ALDH4A1: variants seen among roughly 807,000 people sequenced by gnomAD.
ALDH4A1 encodes the protein aldehyde dehydrogenase 4 family member A1.
ALDH4A1 carries 46 observed loss-of-function variants against 70.5 expected under a neutral mutation model. The ratio of observed to expected loss-of-function variants is 0.65; its 90% CI spans 0.51 to 0.83. The LOEUF is 0.83. Ranked by LOEUF, ALDH4A1 falls within the 40% of genes least tolerant of loss-of-function variation. ALDH4A1 has a pLI of 0.00. For missense variants in ALDH4A1, 749 were observed against 766.5 expected (o/e 0.98, Z 0.27); for synonymous variants, 323 against 324.3 (o/e 1.00, Z 0.04).
At chr1:18,895,127 C>T (rs17492518) in intron 1 of ALDH4A1, among the ~76,000 whole-genome samples, 5,946 of 152,208 alleles carry the variant, frequency 0.039, 118 homozygotes, top group Middle Eastern at 0.061. Flanking sequence ...ATTCAGCATG[C>T]GTTTTCCAAG....
At chr1:18,884,264 T>C (rs1935105423) in intron 5 of ALDH4A1, among the ~76,000 whole-genome samples, 1 of 152,166 alleles carries the variant, frequency 6.6e-6, no homozygotes, top group South Asian at 2.1e-4. Flanking sequence ...TGAGCCAATC[T>C]AAGAAGGCAT....
chr1:18,875,356 A>T (rs1370265224), intron 13 of ALDH4A1, 26 bp downstream of exon 13: 1 of 1,613,848 alleles, frequency 6.2e-7, no homozygotes. Context: ...GGAGCACAGC[A>T]CCAGGGCTGC....
At chr1:18,890,686 G>T (rs553945979) in intron 1 of ALDH4A1, 1 of 985,396 alleles carries the variant, frequency 1.0e-6, no homozygotes, top group African/African-American at 1.7e-5. Context: ...TAATCGCACC[G>T]AACTCACGCG....
At chr1:18,886,542 C>T (rs114863344) in intron 3 of ALDH4A1, 31 bp from the exon 4 acceptor site, 415 of 1,612,316 alleles carry the variant, frequency 2.6e-4, no homozygotes, top group Non-Finnish European at 3.4e-4. Context: ...GGTCCTTGCC[C>T]GGGAGGGAGG....
intron 9 of ALDH4A1, among the ~76,000 whole-genome samples, chr1:18,878,567 G>T (rs1171745361): frequency 5.3e-5 from 8 of 152,052 alleles, no homozygotes; most frequent in Non-Finnish European, 1.2e-4. Context: ...CTCCCTCTAG[G>T]CCTCAGCACA....
At chr1:18,892,000 C>T (rs1935452018) in intron 1 of ALDH4A1, among the ~76,000 whole-genome samples, 1 of 151,836 alleles carries the variant, frequency 6.6e-6, no homozygotes, top group African/African-American at 2.4e-5. Context: ...TGCACTCCAG[C>T]CTGGATGACA....
chr1:18,892,447 G>A (rs995144482), intron 1 of ALDH4A1, among the ~76,000 whole-genome samples: 1 of 152,094 alleles, frequency 6.6e-6, no homozygotes, highest in Admixed American at 6.5e-5. Context: ...GGGGAGAATA[G>A]GGCTGCTTCA....
At chr1:18,881,930 C>A (rs777686756) in intron 7 of ALDH4A1, 43 bp from the exon 8 acceptor site, 1 of 1,569,344 alleles carries the variant, frequency 6.4e-7, no homozygotes, top group South Asian at 1.2e-5. Flanking sequence ...ATGGCGCCAC[C>A]AGCCCCCAAC....
At chr1:18,889,298 C>T in intron 3 of ALDH4A1, 64 bp downstream of exon 3, 1 of 1,409,682 alleles carries the variant, frequency 7.1e-7, no homozygotes, top group Non-Finnish European at 9.8e-7. Flanking sequence ...AGCTTACGAG[C>T]TGTCAGAGAA....
At position 18,890,260 on chromosome 1, in the gene ALDH4A1, G is replaced by T. The variant is rs563132786; in HGVS notation, c.63-155C>A. 21 of 648,676 alleles carry T rather than the reference G, an allele frequency of 3.2e-5. No homozygotes were observed. In the East Asian group the frequency reaches 5.1e-4, roughly 16 times the overall value. The allele number at this position is 648,676 out of a possible 1,614,324, so 40.2% of individuals were successfully genotyped here. The stretch of plus-strand genomic sequence containing the variant: ...AGTGGGGGGTCAAAACCCCACCTTG[G>T]GCTGGGCATGGTGGCTCACACCTGT... On this transcript the variant is annotated intron_variant, in intron 1 of 14. Coordinates refer to ENST00000375341, the MANE Select transcript of ALDH4A1 (RefSeq NM_003748.4).
intron 1 of ALDH4A1, among the ~76,000 whole-genome samples, chr1:18,891,130 G>A (rs1935416902): frequency 6.6e-6 from 1 of 152,212 alleles, no homozygotes; most frequent in African/African-American, 2.4e-5. Context: ...TAGGACGCTG[G>A]GGTCAGTCAT....
intron 1 of ALDH4A1, among the ~76,000 whole-genome samples, chr1:18,901,189 A>G (rs1935785740): frequency 6.6e-6 from 1 of 152,242 alleles, no homozygotes; most frequent in Non-Finnish European, 1.5e-5. Context: ...GGAGTATGGC[A>G]AGTGTGGCCC....
At chr1:18,873,565 T>C (rs1415307290) in intron 14 of ALDH4A1, among the ~76,000 whole-genome samples, 1 of 152,112 alleles carries the variant, frequency 6.6e-6, no homozygotes, top group African/African-American at 2.4e-5. Flanking sequence ...CAATCGTGCC[T>C]GTGTAATGCA....
rs1176373903 is a variant in ALDH4A1 at position 18,873,172 on chromosome 1, G to C, written c.1580-215C>G. The stretch of plus-strand genomic sequence containing the variant: ...GGAGCCTCCATTGTTCTCTCCAGTC[G>C]CACCCAGCCTTGCATCCTTGCTGGG... On this transcript the variant is annotated intron_variant, in intron 14 of 14. Transcript: ENST00000375341. Among the ~76,000 whole-genome samples the C allele has an allele frequency of 2.0e-5, 3 of 152,192 alleles. No individual in the cohort carries two copies. The South Asian group carries it at 6.2e-4, about 32-fold the overall frequency.
At position 18,893,940 on chromosome 1, in the gene ALDH4A1, G is replaced by A. The variant is rs141665748; in HGVS notation, c.63-3835C>T. Among the ~76,000 whole-genome samples, 67 of 152,204 alleles carry A rather than the reference G, an allele frequency of 4.4e-4. 1 individual carries two copies. Among genetic ancestry groups the A allele is most frequent in the Admixed American group, 1.7e-3 (26 of 15,292 alleles). On this transcript the variant is annotated intron_variant, in intron 1 of 14. Coordinates refer to ENST00000375341, the MANE Select transcript of ALDH4A1 (RefSeq NM_003748.4). ...GAGGTAACTTGAATCTATGCTCCCC[G>A]GTGGCCATCCTCAAGTTCTGAGCTC...
chr1:18,877,171 T>C (rs754534234), intron 11 of ALDH4A1, 37 bp downstream of exon 11: 1 of 1,597,794 alleles, frequency 6.3e-7, no homozygotes, highest in South Asian at 1.1e-5. Flanking sequence ...CTCCAGGGCT[T>C]GCCCCCACCC....
At chr1:18,876,581 CA>C (rs762900070) in intron 11 of ALDH4A1, 114 bp from the exon 12 acceptor site, 10 of 1,264,206 alleles carry the variant, frequency 7.9e-6, no homozygotes, top group Non-Finnish European at 9.7e-6. Flanking sequence ...ACTCCTGAAA[CA>C]GGGGCAGGGG....
At position 18,872,890 on chromosome 1, in the gene ALDH4A1, C is replaced by G. The variant is rs1934505447; in HGVS notation, c.1647G>C (p.Glu549Asp). Residue 549 changes from glutamate to aspartate, a missense_variant, in exon 15 of 15, where the codon GAG (glutamate) becomes GAC (aspartate). By Grantham distance (45) the Glu-to-Asp change is conservative. Transcript: ENST00000375341. ...TCCAGTCCCCCAGGGGCTTATGTGT[C>G]TCCTTGATGACCTGCGGCGACGTCC... ...LRWTSPQVIK[E>D]THKPLGDWSY... is the part of the protein sequence containing the mutation. 1.4e-5 allele frequency: 22 copies of G among 1,614,118 alleles called. No homozygotes were observed. The highest frequency in any genetic ancestry group is 1.8e-5 in the Non-Finnish European group (21 of 1,180,036).
intron 1 of ALDH4A1, among the ~76,000 whole-genome samples, chr1:18,895,773 C>T (rs916913450): frequency 6.6e-6 from 1 of 152,238 alleles, no homozygotes; most frequent in African/African-American, 2.4e-5. Context: ...TTGCCCAAGA[C>T]ACCTCGTCCG....
Sources: allele counts gnomAD v4.1 joint callset (sites outside exome capture counted in the v4.1 genomes callset), GRCh38; gene constraint gnomAD v4.1.1; transcripts MANE v1.5; gene names NCBI Gene and HGNC (gene_info 2026-07-23, HGNC 2026-07-21).